The following CAPRIN1 variants were observed in gnomAD, a reference collection of about 807,000 sequenced individuals.
CAPRIN1 encodes caprin-1.
A neutral mutation model predicts 100.9 loss-of-function variants in CAPRIN1; 29 were observed. That is an observed-to-expected ratio of 0.29 (90% CI 0.21 to 0.39). The LOEUF is 0.39. Ranked by LOEUF, CAPRIN1 falls within the 10% of genes least tolerant of loss-of-function variation. The pLI is 1.00. For missense variants in CAPRIN1, 795 were observed against 876.7 expected (o/e 0.91, Z 1.18); for synonymous variants, 338 against 307.5 (o/e 1.10, Z -1.04).
chr11:34,094,833 A>G (rs932259568), intron 15 of CAPRIN1, among the ~76,000 whole-genome samples: 1 of 151,832 alleles, frequency 6.6e-6, no homozygotes, highest in Admixed American at 6.5e-5. Context: ...TAAAATAAAG[A>G]TCACACTTAA....
intron 18 of CAPRIN1, chr11:34,098,561 GGA>G: frequency 2.0e-6 from 2 of 985,330 alleles, no homozygotes; most frequent in Non-Finnish European, 2.4e-6. Context: ...GTGTTAAGGA[GGA>G]ATTACAACGT....
chr11:34,095,297 C>A (rs1244759968), intron 15 of CAPRIN1, among the ~76,000 whole-genome samples: 1 of 152,126 alleles, frequency 6.6e-6, no homozygotes, highest in Non-Finnish European at 1.5e-5. Context: ...TACATGGATA[C>A]ACATGAACCA....
intron 2 of CAPRIN1, 185 bp downstream of exon 2, chr11:34,052,821 T>A: frequency 6.9e-7 from 1 of 1,450,012 alleles, no homozygotes; most frequent in Non-Finnish European, 9.0e-7. Context: ...GAAAACGGGC[T>A]CTTGGAAGAG....
intron 2 of CAPRIN1, among the ~76,000 whole-genome samples, chr11:34,059,173 G>A (rs1850520890): frequency 6.6e-6 from 1 of 152,138 alleles, no homozygotes; most frequent in African/African-American, 2.4e-5. Context: ...AACTTCCTGA[G>A]GAAAGGGGAG....
At chr11:34,085,175 C>T (rs527322954) in intron 9 of CAPRIN1, among the ~76,000 whole-genome samples, 1 of 152,196 alleles carries the variant, frequency 6.6e-6, no homozygotes, top group Admixed American at 6.5e-5. Flanking sequence ...GATAGGATTT[C>T]CTTGCAGAGC....
intron 4 of CAPRIN1, among the ~76,000 whole-genome samples, chr11:34,075,527 C>G (rs911635183): frequency 6.6e-6 from 1 of 152,192 alleles, no homozygotes; most frequent in Non-Finnish European, 1.5e-5. Flanking sequence ...CCAGCATCAT[C>G]TTATTCATAA....
chr11:34,069,263 C>T (rs758889714), intron 2 of CAPRIN1, among the ~76,000 whole-genome samples: 4 of 151,492 alleles, frequency 2.6e-5, no homozygotes, highest in Non-Finnish European at 5.9e-5. Context: ...GATTCTCCTG[C>T]CTCAGCCTTC....
At chr11:34,077,058 T>C (rs1208993058) in intron 6 of CAPRIN1, among the ~76,000 whole-genome samples, 1 of 152,220 alleles carries the variant, frequency 6.6e-6, no homozygotes, top group Non-Finnish European at 1.5e-5. Flanking sequence ...AAAATTAATA[T>C]TAATTGAATA....
chr11:34,089,540 G>A (rs1297155873), intron 12 of CAPRIN1, 84 bp downstream of exon 12: 2 of 758,556 alleles, frequency 2.6e-6, no homozygotes, highest in Middle Eastern at 2.4e-4. Flanking sequence ...GCTGAGATGG[G>A]AGGATCACTT....
chr11:34,090,861 A>G (rs1032581860), intron 14 of CAPRIN1, among the ~76,000 whole-genome samples, 183 bp downstream of exon 14: 1 of 152,246 alleles, frequency 6.6e-6, no homozygotes, highest in Non-Finnish European at 1.5e-5. Context: ...CGGATATTCT[A>G]GAGATAAATT....
At position 34,101,862 on chromosome 11, in the gene CAPRIN1, T is replaced by C. The variant is rs1472261138; in HGVS notation, c.*2495T>C. Among the ~76,000 whole-genome samples, 2 of 152,182 alleles carry C rather than the reference T, an allele frequency of 1.3e-5. No individual in the cohort carries two copies. Among genetic ancestry groups the C allele is most frequent in the East Asian group, 3.8e-4 (2 of 5,202 alleles). On this transcript the variant is annotated 3_prime_UTR_variant, in exon 19 of 19. Transcript: ENST00000341394. ...AGGAAATGATTGTCACACATGTCACTGTAGCCTCTTGGTGTAGCAAGCTCA... is the reference window on the plus strand; with the variant it reads ...AGGAAATGATTGTCACACATGTCACCGTAGCCTCTTGGTGTAGCAAGCTCA...
At chr11:34,058,629 C>T (rs1350512298) in intron 2 of CAPRIN1, among the ~76,000 whole-genome samples, 1 of 152,292 alleles carries the variant, frequency 6.6e-6, no homozygotes, top group South Asian at 2.1e-4. Context: ...ATTAATGTCT[C>T]ATTGTTGAAC....
chr11:34,080,110 A>C (rs1850994888), intron 7 of CAPRIN1, among the ~76,000 whole-genome samples: 1 of 151,934 alleles, frequency 6.6e-6, no homozygotes, highest in South Asian at 2.1e-4. Context: ...TTTTTAGTAA[A>C]GACGGGGTTT....
chr11:34,072,073 C>T (rs1850813464), intron 4 of CAPRIN1, 86 bp downstream of exon 4: 1 of 812,380 alleles, frequency 1.2e-6, no homozygotes, highest in Non-Finnish European at 2.0e-6. Context: ...GATAAGCTCT[C>T]TGCAAGGTGA....
At chr11:34,094,978 G>C (rs576027807) in intron 15 of CAPRIN1, among the ~76,000 whole-genome samples, 62 of 152,108 alleles carry the variant, frequency 4.1e-4, no homozygotes, top group African/African-American at 1.4e-3. Flanking sequence ...TTCCTTCCAG[G>C]CTTAAGCCAT....
intron 15 of CAPRIN1, 39 bp from the exon 16 acceptor site, chr11:34,096,440 G>A (rs1851368680): frequency 6.8e-7 from 1 of 1,477,016 alleles, no homozygotes; most frequent in Non-Finnish European, 9.4e-7. Context: ...ACGGTAATGA[G>A]CTGTTTATGT....
At chr11:34,064,530 G>A (rs1850647855) in intron 2 of CAPRIN1, among the ~76,000 whole-genome samples, 2 of 152,326 alleles carry the variant, frequency 1.3e-5, no homozygotes, top group Admixed American at 1.3e-4. Flanking sequence ...GCCACTTAAG[G>A]AGTAAGCTGA....
At chr11:34,058,956 G>A (rs946891991) in intron 2 of CAPRIN1, among the ~76,000 whole-genome samples, 2 of 152,138 alleles carry the variant, frequency 1.3e-5, no homozygotes, top group Non-Finnish European at 2.9e-5. Flanking sequence ...TTTTTCTGGG[G>A]GAAATGAATG....
intron 7 of CAPRIN1, among the ~76,000 whole-genome samples, chr11:34,081,293 C>T (rs184002908): frequency 4.0e-5 from 6 of 151,826 alleles, no homozygotes; most frequent in Non-Finnish European, 5.9e-5. Context: ...CTCTGCCTCC[C>T]GGGTTCAAGC....
Sources: gnomAD v4.1 joint callset for allele counts (sites outside exome capture counted in the v4.1 genomes callset) on GRCh38, gnomAD v4.1.1 for gene constraint, MANE v1.5 for transcripts, NCBI Gene and HGNC (gene_info 2026-07-23, HGNC 2026-07-21) for gene names.